Variants in ADGRL4 observed in about 807,000 individuals in gnomAD.
ADGRL4 encodes adhesion G protein-coupled receptor L4.
A neutral mutation model predicts 74.8 loss-of-function variants in ADGRL4; 90 were observed. The ratio of observed to expected loss-of-function variants is 1.20; its 90% CI spans 1.02 to 1.43. The LOEUF (loss-of-function observed/expected upper bound fraction) is 1.43. Among genes scored for constraint, ADGRL4 ranks in the 40% most tolerant of loss-of-function variants. The pLI is 0.00. For synonymous variants in ADGRL4, 311 were observed against 279.2 expected, an observed-to-expected ratio of 1.11 and a Z score of -1.14; for missense variants, 881 against 814.3, an observed-to-expected ratio of 1.08 and a Z score of -1.00.
intron 2 of ADGRL4, among the ~76,000 whole-genome samples, chr1:78,990,165 A>AT (rs1179534950): frequency 6.6e-6 from 1 of 151,806 alleles, no homozygotes; most frequent in Non-Finnish European, 1.5e-5. Flanking sequence ...TAAGCAAGCC[A>AT]TTTTTCCCTT....
intron 3 of ADGRL4, chr1:78,939,529 G>A (rs1479128580): frequency 5.0e-6 from 1 of 200,120 alleles, no homozygotes; most frequent in Non-Finnish European, 9.8e-6. Context: ...TTGTTCCATA[G>A]AAGATAAAGG....
intron 2 of ADGRL4, among the ~76,000 whole-genome samples, chr1:78,957,047 T>C (rs1413403557): frequency 6.6e-6 from 1 of 152,170 alleles, no homozygotes; most frequent in African/African-American, 2.4e-5. Flanking sequence ...TGATTAGTGT[T>C]CTTTGATATT....
intron 12 of ADGRL4, among the ~76,000 whole-genome samples, chr1:78,896,755 C>A (rs534650236): frequency 6.6e-6 from 1 of 152,074 alleles, no homozygotes; most frequent in African/African-American, 2.4e-5. Context: ...GTTCAGAATC[C>A]TCCAATGGCT....
intron 2 of ADGRL4, among the ~76,000 whole-genome samples, chr1:78,980,521 A>C (rs904520517): frequency 6.6e-6 from 1 of 152,010 alleles, no homozygotes; most frequent in Admixed American, 6.6e-5. Flanking sequence ...AAAGACTTTT[A>C]CTTAATATTG....
intron 2 of ADGRL4, among the ~76,000 whole-genome samples, chr1:78,953,362 A>G (rs1649768201): frequency 6.6e-6 from 1 of 152,190 alleles, no homozygotes; most frequent in Non-Finnish European, 1.5e-5. Flanking sequence ...TGTAATGCAT[A>G]TTCAATGGGG....
chr1:78,909,650 T>A (rs918575233), intron 12 of ADGRL4, among the ~76,000 whole-genome samples: 1 of 151,912 alleles, frequency 6.6e-6, no homozygotes, highest in Non-Finnish European at 1.5e-5. Context: ...CAGTAGATAA[T>A]AATATCTAGC....
chr1:78,989,696 A>G (rs1650566360), intron 2 of ADGRL4, among the ~76,000 whole-genome samples: 1 of 151,892 alleles, frequency 6.6e-6, no homozygotes, highest in Non-Finnish European at 1.5e-5. Flanking sequence ...GGTGTCCTGA[A>G]TGGTTTGGGA....
At chr1:79,000,588 C>T (rs1650820626) in intron 2 of ADGRL4, among the ~76,000 whole-genome samples, 1 of 152,094 alleles carries the variant, frequency 6.6e-6, no homozygotes, top group African/African-American at 2.4e-5. Flanking sequence ...TGAGTGGATA[C>T]TTTTGAGGAA....
At chr1:78,911,864 T>A (rs1648769317) in intron 12 of ADGRL4, among the ~76,000 whole-genome samples, 1 of 151,924 alleles carries the variant, frequency 6.6e-6, no homozygotes, top group Non-Finnish European at 1.5e-5. Context: ...GCTGGCATCA[T>A]TAACTTCATC....
chr1:78,998,952 G>A (rs1371099252), intron 2 of ADGRL4, among the ~76,000 whole-genome samples: 1 of 152,078 alleles, frequency 6.6e-6, no homozygotes, highest in Non-Finnish European at 1.5e-5. Flanking sequence ...GAAGTGCTTA[G>A]AATAGTGTCT....
Position 78,993,609 on chromosome 1 carries a change from C to T in ADGRL4, c.172+11461G>A, listed in dbSNP as rs141768056. On this transcript the variant is annotated intron_variant, in intron 2 of 14. Transcript: ENST00000370742. ...TTTGAGATGGAGTCTCGCTCTCTCA[C>T]CCAGGCTGGAGTGCAGTGGCAGGAT... is the stretch of plus-strand genomic sequence containing the variant. Among the ~76,000 whole-genome samples the T allele has an allele frequency of 3.0e-4, 45 of 151,594 alleles. No homozygotes were observed. The East Asian group carries it at 7.0e-3, about 24-fold the overall frequency.
At chr1:78,948,281 C>T (rs564883364) in intron 2 of ADGRL4, among the ~76,000 whole-genome samples, 71 of 152,180 alleles carry the variant, frequency 4.7e-4, no homozygotes, top group African/African-American at 1.7e-3. Flanking sequence ...TATGAAAGAA[C>T]AAAGGTTGAG....
intron 7 of ADGRL4, among the ~76,000 whole-genome samples, chr1:78,934,610 A>G (rs1231160171): frequency 6.6e-6 from 1 of 152,202 alleles, no homozygotes; most frequent in East Asian, 1.9e-4. Flanking sequence ...ATCAAAGTGA[A>G]CTGGAAACCT....
chr1:78,909,455 C>T (rs765050122), intron 12 of ADGRL4, among the ~76,000 whole-genome samples: 3 of 151,794 alleles, frequency 2.0e-5, no homozygotes, highest in Non-Finnish European at 4.4e-5. Context: ...GGCAGTGGTG[C>T]TACTGGCATC....
chr1:78,932,653 A>G (rs1209069886), intron 7 of ADGRL4, among the ~76,000 whole-genome samples: 2 of 150,468 alleles, frequency 1.3e-5, no homozygotes, highest in African/African-American at 5.0e-5. Flanking sequence ...CTGGTTAAAA[A>G]AAAATTAACA....
chr1:78,898,656 A>G (rs1648450660), intron 12 of ADGRL4, among the ~76,000 whole-genome samples: 1 of 152,156 alleles, frequency 6.6e-6, no homozygotes, highest in Non-Finnish European at 1.5e-5. Flanking sequence ...GAATAAAAAT[A>G]GCTGTGAAGA....
chr1:78,929,501 G>C (rs1649195242), intron 7 of ADGRL4, among the ~76,000 whole-genome samples: 1 of 151,420 alleles, frequency 6.6e-6, no homozygotes, highest in African/African-American at 2.5e-5. Flanking sequence ...GGGCAACAGG[G>C]TGAGGCCTTG....
chr1:78,971,638 G>A (rs1355343780), intron 2 of ADGRL4, among the ~76,000 whole-genome samples: 1 of 152,184 alleles, frequency 6.6e-6, no homozygotes, highest in Non-Finnish European at 1.5e-5. Flanking sequence ...ATGGCCGTGT[G>A]GCAAAGATCC....
At chr1:78,999,409 A>G (rs1028317747) in intron 2 of ADGRL4, among the ~76,000 whole-genome samples, 11 of 152,066 alleles carry the variant, frequency 7.2e-5, no homozygotes, top group African/African-American at 2.2e-4. Context: ...TTAGAATACA[A>G]TTTTTTACAA....
Sources: gnomAD v4.1 joint callset for allele counts (sites outside exome capture counted in the v4.1 genomes callset) on GRCh38, gnomAD v4.1.1 for gene constraint, MANE v1.5 for transcripts, NCBI Gene and HGNC (gene_info 2026-07-23, HGNC 2026-07-21) for gene names.